The following ERC2 variants were observed in gnomAD, a reference collection of about 807,000 sequenced individuals.
ERC2 encodes ERC protein 2.
Under a neutral mutation model 114.8 loss-of-function variants are expected in ERC2, and 42 were observed. The observed-to-expected ratio is 0.37, with a 90% CI of 0.29 to 0.47. ERC2 has a LOEUF of 0.47. Among genes scored for constraint, ERC2 ranks in the 20% least tolerant of loss-of-function variants. The probability of loss-of-function intolerance (pLI) is 0.99; values close to 1 mark genes in which losing one functional copy is unlikely to be tolerated. For missense variants in ERC2, 939 were observed against 1,150.7 expected, an observed-to-expected ratio of 0.82 and a Z score of 2.66; for synonymous variants, 454 against 425.5, an observed-to-expected ratio of 1.07 and a Z score of -0.82.
At chr3:55,754,316 C>A (rs1054143651) in intron 14 of ERC2, among the ~76,000 whole-genome samples, 1 of 151,828 alleles carries the variant, frequency 6.6e-6, no homozygotes, top group Non-Finnish European at 1.5e-5. Flanking sequence ...CAGGCTTAAG[C>A]AGATGTAAAT....
At chr3:55,513,138 G>A (rs907588512) in intron 17 of ERC2, among the ~76,000 whole-genome samples, 4 of 152,130 alleles carry the variant, frequency 2.6e-5, no homozygotes, top group African/African-American at 9.7e-5. Context: ...CGCTTTCAAC[G>A]CAGCAGCCAA....
intron 17 of ERC2, among the ~76,000 whole-genome samples, chr3:55,613,982 C>CAAAAAAAA (rs60242810): frequency 1.6e-5 from 1 of 62,244 alleles, no homozygotes; most frequent in Non-Finnish European, 2.7e-5. Context: ...GACTTCCTCT[C>CAAAAAAAA]AAAAAAAAAA....
intron 11 of ERC2, among the ~76,000 whole-genome samples, chr3:55,991,389 T>G (rs1034590154): frequency 1.3e-5 from 2 of 152,244 alleles, no homozygotes; most frequent in African/African-American, 4.8e-5. Flanking sequence ...AAGACATTGA[T>G]AGCAAGCTTA....
At chr3:56,366,093 T>G (rs955193933) in intron 2 of ERC2, among the ~76,000 whole-genome samples, 1 of 152,190 alleles carries the variant, frequency 6.6e-6, no homozygotes, top group African/African-American at 2.4e-5. Flanking sequence ...GCTTCCTTAC[T>G]TTTTGTCCCT....
intron 13 of ERC2, among the ~76,000 whole-genome samples, chr3:55,944,669 G>C (rs2067016784): frequency 1.3e-5 from 2 of 152,162 alleles, no homozygotes; most frequent in African/African-American, 4.8e-5. Flanking sequence ...CAGTCTATGA[G>C]TTACTACAAA....
At chr3:55,641,292 G>A (rs1157904113) in intron 17 of ERC2, among the ~76,000 whole-genome samples, 1 of 152,154 alleles carries the variant, frequency 6.6e-6, no homozygotes, top group East Asian at 1.9e-4. Flanking sequence ...GCTCACGTCT[G>A]TAATGCCAGC....
intron 13 of ERC2, among the ~76,000 whole-genome samples, chr3:55,892,205 A>G (rs148127160): frequency 1.3e-3 from 200 of 152,284 alleles, no homozygotes; most frequent in African/African-American, 4.7e-3. Flanking sequence ...TTTTTTTCTG[A>G]TAATAAGAAT....
chr3:56,001,133 G>A (rs1560002879), intron 10 of ERC2, among the ~76,000 whole-genome samples: 3 of 151,390 alleles, frequency 2.0e-5, no homozygotes, highest in Non-Finnish European at 4.4e-5. Context: ...GGAATAAAGG[G>A]AAGGAGAAGG....
At chr3:55,670,455 T>C (rs1225950583) in intron 17 of ERC2, among the ~76,000 whole-genome samples, 2 of 152,110 alleles carry the variant, frequency 1.3e-5, no homozygotes, top group African/African-American at 4.8e-5. Context: ...GAGGGGAGTT[T>C]GTTGGGGAGC....
At chr3:56,122,466 T>A (rs569621323) in intron 6 of ERC2, among the ~76,000 whole-genome samples, 70 of 152,214 alleles carry the variant, frequency 4.6e-4, no homozygotes, top group Admixed American at 1.5e-3. Context: ...CTTAAAAAAA[T>A]TTTTTTTGAC....
intron 7 of ERC2, among the ~76,000 whole-genome samples, chr3:56,023,109 T>C (rs148731331): frequency 1.7e-3 from 262 of 152,282 alleles, no homozygotes; most frequent in Non-Finnish European, 2.0e-3. Flanking sequence ...GGGAGCTTTG[T>C]TGTGAATTTC....
chr3:56,002,130 A>T (rs2072121511), intron 10 of ERC2, among the ~76,000 whole-genome samples: 1 of 152,284 alleles, frequency 6.6e-6, no homozygotes, highest in Non-Finnish European at 1.5e-5. Flanking sequence ...GTTGTAAAGA[A>T]TGGAGGGTGG....
chr3:55,820,143 G>T (rs2060067132), intron 14 of ERC2, among the ~76,000 whole-genome samples: 2 of 152,132 alleles, frequency 1.3e-5, no homozygotes, highest in Admixed American at 1.3e-4. Context: ...TCCACGTGGG[G>T]TCTAGAAGTG....
chr3:56,313,761 A>G (rs1043412623), intron 2 of ERC2, among the ~76,000 whole-genome samples: 3 of 152,234 alleles, frequency 2.0e-5, no homozygotes, highest in East Asian at 1.9e-4. Flanking sequence ...CCAAGCATCA[A>G]TAGGCTGTGG....
intron 2 of ERC2, among the ~76,000 whole-genome samples, chr3:56,410,913 T>C (rs2060918056): frequency 1.3e-5 from 2 of 152,024 alleles, no homozygotes; most frequent in Non-Finnish European, 2.9e-5. Flanking sequence ...TTGTCCCTCC[T>C]TGCCCAGGAT....
At chr3:55,541,001 T>C (rs1210033413) in intron 17 of ERC2, among the ~76,000 whole-genome samples, 4 of 152,016 alleles carry the variant, frequency 2.6e-5, no homozygotes, top group Non-Finnish European at 5.9e-5. Context: ...AGCCAACAAG[T>C]ATATATATAA....
intron 17 of ERC2, among the ~76,000 whole-genome samples, chr3:55,568,701 C>A (rs1391390601): frequency 6.6e-6 from 1 of 152,200 alleles, no homozygotes; most frequent in Non-Finnish European, 1.5e-5. Context: ...CCTGTTTATT[C>A]TCACAGAGAG....
At chr3:56,330,072 A>AG (rs2057539928) in intron 2 of ERC2, among the ~76,000 whole-genome samples, 2 of 151,916 alleles carry the variant, frequency 1.3e-5, no homozygotes, top group Non-Finnish European at 2.9e-5. Flanking sequence ...TCTCTCTGTC[A>AG]CCCAGGCTAA....
chr3:55,864,144 T>TATATATACAC (rs1559782927), intron 14 of ERC2, among the ~76,000 whole-genome samples: 1 of 116,486 alleles, frequency 8.6e-6, no homozygotes, highest in African/African-American at 3.7e-5. Flanking sequence ...TATATACATA[T>TATATATACAC]ATATATATAT....
Sources: gnomAD v4.1 joint callset for allele counts (sites outside exome capture counted in the v4.1 genomes callset) on GRCh38, gnomAD v4.1.1 for gene constraint, MANE v1.5 for transcripts, NCBI Gene and HGNC (gene_info 2026-07-23, HGNC 2026-07-21) for gene names.